Variants in TRIO observed in about 807,000 individuals in gnomAD.
TRIO encodes trio Rho guanine nucleotide exchange factor.
In TRIO, 58 loss-of-function variants were observed where a neutral mutation model predicts 351.9. The observed-to-expected ratio is 0.16, with a 90% confidence interval of 0.13 to 0.21. The LOEUF (loss-of-function observed/expected upper bound fraction) is 0.21, where lower values mean the gene tolerates loss of function less well. Among genes scored for constraint, TRIO ranks in the 10% least tolerant of loss-of-function variants. The pLI is 1.00. For synonymous variants in TRIO, 1,758 were observed against 1,595.7 expected (o/e 1.10, Z -2.42); for missense variants, 3,201 against 4,027.8 (o/e 0.79, Z 5.56).
chr5:14,152,984 TTCTC>T (rs1194741569), intron 1 of TRIO, among the ~76,000 whole-genome samples: 1 of 152,242 alleles, frequency 6.6e-6, no homozygotes, highest in Non-Finnish European at 1.5e-5. Flanking sequence ...TGTTAGGCCT[TTCTC>T]TCATACCTCA....
chr5:14,232,747 A>G (rs1022500450), intron 1 of TRIO, among the ~76,000 whole-genome samples: 5 of 152,268 alleles, frequency 3.3e-5, no homozygotes, highest in Non-Finnish European at 7.3e-5. Flanking sequence ...AGAATTGAGT[A>G]TATCTTTTTA....
rs1755517839 is a variant in TRIO, at chr5:14,481,556, A to C, written c.6403A>C (p.Met2135Leu). ...CCTCCCACAGAGAGCTGTGGAAGTC[A>C]TGTGCATAGTACCCAGGCGGTGCAA... Reference protein sequence around the residue: ...TSELERAVEVMCIVPRRCNDM... With the variant: ...TSELERAVEVLCIVPRRCNDM... Residue 2135 changes from methionine (M) to leucine (L), a missense_variant, in exon 45 of 57, where the codon ATG (methionine) becomes CTG (leucine). Met to Leu is a conservative substitution (Grantham distance 15). Coordinates refer to ENST00000344204, the MANE Select transcript of TRIO (RefSeq NM_007118.4). 6.2e-7 allele frequency: 1 copy of C among 1,614,032 alleles called. No individual in the cohort carries two copies. Among genetic ancestry groups the C allele is most frequent in the South Asian group, 1.1e-5 (1 of 91,074 alleles).
At chr5:14,437,532 C>T (rs1340213357) in intron 34 of TRIO, among the ~76,000 whole-genome samples, 2 of 152,120 alleles carry the variant, frequency 1.3e-5, no homozygotes, top group Admixed American at 1.3e-4. Context: ...AATTTATTTT[C>T]TGGAGACTGA....
chr5:14,498,397 G>A, intron 52 of TRIO, 122 bp from the exon 53 acceptor site: 2 of 1,511,738 alleles, frequency 1.3e-6, no homozygotes, highest in Non-Finnish European at 1.8e-6. Context: ...TCACGCCTGG[G>A]TGTACAGCTC....
chr5:14,371,831 G>A (rs983442159), intron 18 of TRIO, among the ~76,000 whole-genome samples: 2 of 151,632 alleles, frequency 1.3e-5, no homozygotes, highest in African/African-American at 4.8e-5. Flanking sequence ...TTGTAGTAAT[G>A]GAGTCTCCTT....
At chr5:14,445,977 G>T (rs578062747) in intron 34 of TRIO, among the ~76,000 whole-genome samples, 1 of 152,206 alleles carries the variant, frequency 6.6e-6, no homozygotes, top group Admixed American at 6.5e-5. Flanking sequence ...TCCCACTGTC[G>T]CCTCCGGTCT....
intron 1 of TRIO, among the ~76,000 whole-genome samples, chr5:14,255,450 C>G (rs1244582440): frequency 6.6e-6 from 1 of 152,174 alleles, no homozygotes; most frequent in Non-Finnish European, 1.5e-5. Flanking sequence ...CACTATGCAA[C>G]AGTGAAATTG....
In TRIO at chr5:14,487,501, C is replaced by T. The variant is rs1457273476; in HGVS notation, c.6873C>T (p.Ser2291=). 5 of 1,014,142 alleles carry T rather than the reference C, an allele frequency of 4.9e-6. No individual in the cohort carries two copies. The highest frequency in any genetic ancestry group is 6.1e-6 in the Non-Finnish European group (5 of 818,748). The allele number at this position is 1,014,142 out of a possible 1,614,324, so 62.8% of individuals were successfully genotyped here. Residue 2291 remains serine (S), a synonymous_variant, in exon 48 of 57, where the codon AGC becomes AGT. Transcript: ENST00000344204. ...CAATCGAGTACCAGAGGAACCACAG[C>T]GGGGGCGGCGGCGGCGGCGGCAGCG... is the stretch of plus-strand genomic sequence containing the variant. ...TSPIEYQRNH[S]GGGGGGGSGG... is the part of the protein sequence containing the mutation.
chr5:14,342,690 C>T (rs978755675), intron 11 of TRIO, among the ~76,000 whole-genome samples: 1 of 152,212 alleles, frequency 6.6e-6, no homozygotes, highest in Non-Finnish European at 1.5e-5. Context: ...GCCTTTTGGC[C>T]TTCCTGGAAG....
At chr5:14,242,580 A>G (rs1299263092) in intron 1 of TRIO, among the ~76,000 whole-genome samples, 1 of 152,128 alleles carries the variant, frequency 6.6e-6, no homozygotes. Context: ...CATGCTCCCC[A>G]CTGCCCCCTT....
chr5:14,386,216 C>G (rs1031516104), intron 21 of TRIO, among the ~76,000 whole-genome samples: 5 of 152,086 alleles, frequency 3.3e-5, no homozygotes, highest in African/African-American at 1.2e-4. Context: ...ATAGGGATAT[C>G]TGGGGGAGTG....
intron 28 of TRIO, 77 bp from the exon 29 acceptor site, chr5:14,396,966 A>G: frequency 7.7e-7 from 1 of 1,294,344 alleles, no homozygotes; most frequent in East Asian, 2.4e-5. Flanking sequence ...ATGGGCTTTC[A>G]TAAACTGTTT....
At chr5:14,205,776 G>A (rs1230426167) in intron 1 of TRIO, among the ~76,000 whole-genome samples, 2 of 151,962 alleles carry the variant, frequency 1.3e-5, no homozygotes, top group African/African-American at 2.4e-5. Context: ...GCTGTCACCC[G>A]GGCTGGAGTG....
At chr5:14,265,872 T>A (rs1405868015) in intron 1 of TRIO, among the ~76,000 whole-genome samples, 1 of 152,188 alleles carries the variant, frequency 6.6e-6, no homozygotes, top group Non-Finnish European at 1.5e-5. Context: ...ATTTTCCATC[T>A]TATGAATATA....
chr5:14,340,246 A>G (rs1022952661), intron 11 of TRIO, among the ~76,000 whole-genome samples: 1 of 151,898 alleles, frequency 6.6e-6, no homozygotes, highest in Admixed American at 6.5e-5. Flanking sequence ...AATACAAAAA[A>G]ATTAGCCAGG....
rs761067835 is a variant in TRIO at position 14,316,693 on chromosome 5, C to A, written c.1681C>A (p.Arg561=). 3 of 1,614,044 alleles carry A rather than the reference C, an allele frequency of 1.9e-6. No homozygotes were observed. In the African/African-American group the frequency reaches 4.0e-5, roughly 22 times the overall value. ...LENIWQHRKV[R]LHQRLQLCVF... ...GAACATCTGGCAACACCGCAAGGTC[C>A]GGCTGCATCAGAGGCTGCAGCTGTG... Residue 561 remains arginine, a synonymous_variant, in exon 9 of 57, where the codon CGG becomes AGG. Transcript: ENST00000344204.
At chr5:14,387,872 C>G (rs1457930914) in intron 23 of TRIO, 25 bp downstream of exon 23, 4 of 1,607,140 alleles carry the variant, frequency 2.5e-6, no homozygotes, top group African/African-American at 2.7e-5. Context: ...CAGAATCTAC[C>G]AGGATTCACT....
At chr5:14,504,811 G>A in intron 55 of TRIO, 1 of 596,938 alleles carries the variant, frequency 1.7e-6, no homozygotes, top group Non-Finnish European at 2.9e-6. Context: ...ATGAAGGGCA[G>A]TCACTGCTGG....
Position 14,143,656 on chromosome 5 carries a change from G to C in TRIO, c.-70G>C, listed in dbSNP as rs1386053298. 2.5e-6 allele frequency: 2 copies of C among 789,464 alleles called. No homozygotes were observed. The highest frequency in any genetic ancestry group is 3.1e-6 in the Non-Finnish European group (2 of 654,804). The allele number at this position is 789,464 out of a possible 1,614,324, so 48.9% of individuals were successfully genotyped here. ...TGCTCGGCGCCGCCAGGCCCGGCGC[G>C]GAGCGGGCGGCACGCGGCGCTAGGG... On this transcript the variant is annotated 5_prime_UTR_variant, in exon 1 of 57. Coordinates refer to ENST00000344204, the MANE Select transcript of TRIO (RefSeq NM_007118.4).
Sources: allele counts gnomAD v4.1 joint callset (sites outside exome capture counted in the v4.1 genomes callset), GRCh38; gene constraint gnomAD v4.1.1; transcripts MANE v1.5; gene names NCBI Gene and HGNC (gene_info 2026-07-23, HGNC 2026-07-21).